Variants in SP1 observed in about 807,000 individuals in gnomAD.
The protein encoded by SP1 is transcription factor Sp1.
A neutral mutation model predicts 66.3 loss-of-function variants in SP1; 6 were observed. The observed-to-expected ratio is 0.09, with a 90% CI of 0.05 to 0.18. The LOEUF (loss-of-function observed/expected upper bound fraction) is 0.18, where lower values mean the gene tolerates loss of function less well. Ranked by LOEUF, SP1 falls within the 10% of genes least tolerant of loss-of-function variation. The pLI, the probability that SP1 is intolerant of heterozygous loss-of-function variation, is 1.00. For synonymous variants in SP1, 417 were observed against 360.8 expected (o/e 1.16, Z -1.77); for missense variants, 848 against 964.5 (o/e 0.88, Z 1.60).
intron 2 of SP1, 31 bp from the exon 3 acceptor site, chr12:53,382,079 A>C (rs368932172): frequency 6.2e-7 from 1 of 1,604,316 alleles, no homozygotes; most frequent in Non-Finnish European, 8.5e-7. Flanking sequence ...GGGTGTCACT[A>C]ACTCCTTTCC....
At chr12:53,380,799 C>A (rs1938073774) in intron 1 of SP1, 2 of 278,956 alleles carry the variant, frequency 7.2e-6, no homozygotes, top group Non-Finnish European at 1.1e-5. Context: ...CCCTTTCCCT[C>A]AGGGCCCGCC....
chr12:53,398,913 G>C (rs1012552960), intron 3 of SP1, among the ~76,000 whole-genome samples: 1 of 152,168 alleles, frequency 6.6e-6, no homozygotes, highest in Admixed American at 6.6e-5. Context: ...ACAATTTGGT[G>C]AACATCCTTC....
At chr12:53,386,363 G>A (rs758697944) in intron 3 of SP1, among the ~76,000 whole-genome samples, 2 of 152,024 alleles carry the variant, frequency 1.3e-5, no homozygotes, top group Non-Finnish European at 2.9e-5. Context: ...AACAGTCTGG[G>A]AAGAATATTG....
intron 2 of SP1, 108 bp from the exon 3 acceptor site, chr12:53,382,001 GT>G: frequency 8.2e-7 from 1 of 1,225,736 alleles, no homozygotes; most frequent in Non-Finnish European, 1.1e-6. Flanking sequence ...TTTTGTTTCT[GT>G]TTTTTGCTCC....
In SP1 at chr12:53,383,481, C is replaced by T. The variant is rs765785420; in HGVS notation, c.1534C>T (p.Pro512Ser). Residue 512 changes from proline to serine, a missense_variant, in exon 3 of 6, where the codon CCT becomes TCT. Physicochemically the swap from Pro to Ser is moderately conservative, Grantham distance 74. Coordinates refer to ENST00000327443, the MANE Select transcript of SP1 (RefSeq NM_138473.3). ...ACCCATTGCCTCAGCTGCTTCCATTCCTGCTGGCACAGTCACTGTGAATGC... is the reference window on the plus strand; with the variant it reads ...ACCCATTGCCTCAGCTGCTTCCATTTCTGCTGGCACAGTCACTGTGAATGC... The part of the protein sequence containing the change: ...LTPIASAASI[P>S]AGTVTVNAAQ... 8.1e-6 allele frequency: 13 copies of T among 1,614,114 alleles called. No individual in the cohort carries two copies. Among genetic ancestry groups the T allele is most frequent in the African/African-American group, 4.0e-5 (3 of 74,944 alleles).
Position 53,393,685 on chromosome 12 carries a change from C to T in SP1, c.1675+10063C>T, listed in dbSNP as rs138194384. ...CGATCTTGGCTCACTGCAACATCCG[C>T]CTCCTGGGTTCAAGCAATTCTCTTG... On this transcript the variant is annotated intron_variant, in intron 3 of 5. Coordinates refer to ENST00000327443, the MANE Select transcript of SP1 (RefSeq NM_138473.3). 9.9e-3 allele frequency among the ~76,000 whole-genome samples: 1,494 copies of T among 151,524 alleles called. 20 individuals carry two copies. Among genetic ancestry groups the T allele is most frequent in the African/African-American group, 0.034 (1,422 of 41,254 alleles).
Position 53,413,743 on chromosome 12 carries a change from G to A in SP1, c.*2503G>A, listed in dbSNP as rs370044210. On this transcript the variant is annotated 3_prime_UTR_variant, in exon 6 of 6. Transcript: ENST00000327443. Reference sequence around the variant, plus strand: ...CACTGGAATGTACAGTATTTTGCTAGTGCATTTCAAGGAATGGAATCTTCT... The same window carrying A: ...CACTGGAATGTACAGTATTTTGCTAATGCATTTCAAGGAATGGAATCTTCT... 4.6e-5 allele frequency: 7 copies of A among 152,574 alleles called. No homozygotes were observed. The highest frequency in any genetic ancestry group is 5.9e-5 in the Non-Finnish European group (4 of 68,018). The allele number at this position is 152,574 out of a possible 1,614,324, so 9.5% of individuals were successfully genotyped here. A position where few individuals can be genotyped will look rare whatever the true frequency, so the allele number is the denominator to read the frequency against.
Position 53,411,251 on chromosome 12 carries a change from C to T in SP1, c.*11C>T, listed in dbSNP as rs750123937. On this transcript the variant is annotated 3_prime_UTR_variant, in exon 6 of 6. Transcript: ENST00000327443. ...GGCAATGGCTTCTGAGATCAGGCACCCGGGGCCAGAGACATATGGGCCATA... is the reference window on the plus strand; with the variant it reads ...GGCAATGGCTTCTGAGATCAGGCACTCGGGGCCAGAGACATATGGGCCATA... 5.0e-6 allele frequency: 8 copies of T among 1,602,446 alleles called. No homozygotes were observed. The African/African-American group carries it at 6.7e-5, about 13-fold the overall frequency.
In SP1 at chr12:53,380,231, T is replaced by TG; in HGVS notation, c.-61_-60insG. 7.8e-7 allele frequency: 1 copy of TG among 1,289,488 alleles called. No individual in the cohort carries two copies. The highest frequency in any genetic ancestry group is 1.1e-6 in the Non-Finnish European group (1 of 891,632). 79.9% of individuals were successfully genotyped at this position (1,289,488 alleles called of 1,614,324 possible). On this transcript the variant is annotated 5_prime_UTR_variant, in exon 1 of 6. Transcript: ENST00000327443. ...CTTGCCTCGTCAGCGTCCGCGTTTTTCCCGGCCCCCCCCAACCCCCCCGGA... is the reference window on the plus strand; with the variant it reads ...CTTGCCTCGTCAGCGTCCGCGTTTTTGCCCGGCCCCCCCCAACCCCCCCGGA...
At chr12:53,383,835 C>G (rs1296660884) in intron 3 of SP1, among the ~76,000 whole-genome samples, 1 of 152,148 alleles carries the variant, frequency 6.6e-6, no homozygotes, top group African/African-American at 2.4e-5. Flanking sequence ...AGGAGCACTT[C>G]TGGGCAATAT....
At chr12:53,386,232 G>C (rs1286029216) in intron 3 of SP1, among the ~76,000 whole-genome samples, 3 of 152,014 alleles carry the variant, frequency 2.0e-5, no homozygotes, top group Non-Finnish European at 2.9e-5. Context: ...AGACTGCTTT[G>C]AAAGTACTGT....
intron 3 of SP1, among the ~76,000 whole-genome samples, chr12:53,394,320 AG>A (rs928530304): frequency 6.6e-6 from 1 of 150,540 alleles, no homozygotes; most frequent in African/African-American, 2.4e-5. Context: ...GAAGATAAAA[AG>A]CCCTTAACTG....
At chr12:53,409,849 T>C (rs7968637) in intron 5 of SP1, among the ~76,000 whole-genome samples, 25,661 of 151,102 alleles carry the variant, frequency 0.17, 2,271 homozygotes, top group East Asian at 0.2. Context: ...CTCTACTAAA[T>C]ATACAAAAAA....
chr12:53,400,943 G>A (rs1938595706), intron 3 of SP1, among the ~76,000 whole-genome samples: 1 of 151,374 alleles, frequency 6.6e-6, no homozygotes, highest in African/African-American at 2.4e-5. Context: ...TGTATTTTTA[G>A]TAGAGACAAG....
chr12:53,390,408 T>C (rs528486627), intron 3 of SP1, among the ~76,000 whole-genome samples: 4 of 152,150 alleles, frequency 2.6e-5, no homozygotes, highest in African/African-American at 7.2e-5. Context: ...GGGGGCTGGG[T>C]GCAGTGGCTC....
At chr12:53,398,406 C>T (rs1162722294) in intron 3 of SP1, among the ~76,000 whole-genome samples, 2 of 152,168 alleles carry the variant, frequency 1.3e-5, no homozygotes, top group Non-Finnish European at 2.9e-5. Flanking sequence ...CCTCAGCCTC[C>T]CAGGTAGCTG....
intron 4 of SP1, among the ~76,000 whole-genome samples, chr12:53,408,906 AAAAC>A (rs758088234): frequency 2.0e-5 from 3 of 150,932 alleles, no homozygotes; most frequent in Admixed American, 6.6e-5. Flanking sequence ...ACTCCGTCTC[AAAAC>A]AAACAAACGA....
At chr12:53,384,997 CA>C (rs1938194478) in intron 3 of SP1, among the ~76,000 whole-genome samples, 2 of 142,274 alleles carry the variant, frequency 1.4e-5, no homozygotes, top group South Asian at 4.4e-4. Flanking sequence ...AAAAAAAATA[CA>C]AAAATTAGTC....
chr12:53,383,159 G>C lies in SP1; in HGVS notation c.1212G>C (p.Gln404His). ...AGCAACAAATTCTTATCCAGCCTCA[G>C]CTAGTTCAAGGGGGACAGGCCCTCC... is the stretch of plus-strand genomic sequence containing the variant. ...TQQQQILIQPQLVQGGQALQA... is the reference protein window; with the variant it reads ...TQQQQILIQPHLVQGGQALQA... The change falls in exon 3 of 6, where the codon CAG becomes CAC. Residue 404 changes from glutamine to histidine, a missense_variant. Physicochemically the swap from Gln to His is conservative, Grantham distance 24. Coordinates refer to ENST00000327443, the MANE Select transcript of SP1 (RefSeq NM_138473.3). 3 of 1,614,210 alleles carry C rather than the reference G, an allele frequency of 1.9e-6. No individual in the cohort carries two copies. Among genetic ancestry groups the C allele is most frequent in the Non-Finnish European group, 2.5e-6 (3 of 1,180,048 alleles).
Sources: gnomAD v4.1 joint callset for allele counts (sites outside exome capture counted in the v4.1 genomes callset) on GRCh38, gnomAD v4.1.1 for gene constraint, MANE v1.5 for transcripts, NCBI Gene and HGNC (gene_info 2026-07-23, HGNC 2026-07-21) for gene names.